The following VTI1A variants were observed in gnomAD, a reference collection of about 807,000 sequenced individuals.
The protein encoded by VTI1A is vesicle transport through interaction with t-SNAREs 1A.
VTI1A carries 22 observed loss-of-function variants against 34.9 expected under a neutral mutation model. That is an observed-to-expected ratio of 0.63 (90% CI 0.45 to 0.90). The LOEUF is 0.90. Among genes scored for constraint, VTI1A ranks in the 40% least tolerant of loss-of-function variants. The pLI, the probability that VTI1A is intolerant of heterozygous loss-of-function variation, is 0.00. For missense variants in VTI1A, 268 were observed against 275.6 expected (o/e 0.97, Z 0.20); for synonymous variants, 87 against 97.3 (o/e 0.89, Z 0.62).
intron 7 of VTI1A, among the ~76,000 whole-genome samples, chr10:112,681,528 C>A (rs1026477779): frequency 6.6e-6 from 1 of 152,102 alleles, no homozygotes; most frequent in Non-Finnish European, 1.5e-5. Context: ...ATATTTTTGA[C>A]ATGTGAAAAA....
intron 5 of VTI1A, among the ~76,000 whole-genome samples, chr10:112,571,333 C>T (rs1852109141): frequency 1.3e-5 from 2 of 152,126 alleles, no homozygotes; most frequent in Non-Finnish European, 2.9e-5. Flanking sequence ...AAACTCGTTC[C>T]TCTATAGGAG....
At chr10:112,714,551 G>C (rs1019452419) in intron 7 of VTI1A, among the ~76,000 whole-genome samples, 1 of 152,122 alleles carries the variant, frequency 6.6e-6, no homozygotes, top group Non-Finnish European at 1.5e-5. Context: ...TTCTGAGCTG[G>C]GTAGTTTTCC....
intron 5 of VTI1A, chr10:112,549,015 T>G: frequency 1.7e-6 from 1 of 603,112 alleles, no homozygotes; most frequent in South Asian, 2.0e-5. Flanking sequence ...AGAAATATTT[T>G]GAGTGTTCAC....
chr10:112,697,865 C>CGT (rs762339605), intron 7 of VTI1A, among the ~76,000 whole-genome samples: 8,626 of 126,136 alleles, frequency 0.068, 279 homozygotes, highest in Non-Finnish European at 0.071. Flanking sequence ...TTAGCATTTA[C>CGT]ATGTGTGTGT....
chr10:112,797,462 G>A (rs1479549028), intron 7 of VTI1A, among the ~76,000 whole-genome samples: 4 of 152,148 alleles, frequency 2.6e-5, no homozygotes, highest in African/African-American at 9.7e-5. Flanking sequence ...ACCATCCACT[G>A]CAGTTGGCTA....
intron 7 of VTI1A, among the ~76,000 whole-genome samples, chr10:112,717,930 T>TA (rs1290444143): frequency 1.3e-5 from 2 of 152,132 alleles, no homozygotes; most frequent in Admixed American, 6.5e-5. Flanking sequence ...TTAAGTTACC[T>TA]AAAAATTAAT....
At chr10:112,850,501 C>A in the VTI1A span, among the ~76,000 whole-genome samples, 1 of 152,106 alleles carries the variant, frequency 6.6e-6, no homozygotes, top group Non-Finnish European at 1.5e-5. Context: ...CCCCAAGACT[C>A]CCAAGACCAC....
intron 5 of VTI1A, among the ~76,000 whole-genome samples, chr10:112,582,785 G>C (rs144239748): frequency 2.3e-4 from 35 of 152,052 alleles, no homozygotes; most frequent in African/African-American, 8.2e-4. Flanking sequence ...CTTTTTTAAC[G>C]TATAAATATT....
chr10:112,830,341 C>T, the VTI1A span, among the ~76,000 whole-genome samples: 3 of 151,484 alleles, frequency 2.0e-5, no homozygotes, highest in Non-Finnish European at 4.4e-5. Context: ...ACTTCCCTCA[C>T]TCCTTTCTCC....
intron 3 of VTI1A, among the ~76,000 whole-genome samples, chr10:112,497,646 T>C (rs1434467343): frequency 6.6e-6 from 1 of 152,232 alleles, no homozygotes. Flanking sequence ...GAGTAAAATA[T>C]AATCTAAATT....
intron 3 of VTI1A, among the ~76,000 whole-genome samples, chr10:112,504,719 G>A (rs73365010): frequency 1.7e-3 from 258 of 152,140 alleles, no homozygotes; most frequent in African/African-American, 6.1e-3. Context: ...TGTCCTCTAT[G>A]GGGGATGTAT....
In VTI1A at chr10:112,480,268, G is replaced by A. The variant is rs928277223; in HGVS notation, c.264+15611G>A. ...GAGGAAGCTGAAGCTAAGAACTTTC[G>A]AGCTGATGGTGTTTTAGTCACTTCA... On this transcript the variant is annotated intron_variant, in intron 3 of 7. Transcript: ENST00000393077. 4.6e-5 allele frequency among the ~76,000 whole-genome samples: 7 copies of A among 152,240 alleles called. No homozygotes were observed. In the East Asian group the frequency reaches 9.6e-4, roughly 21 times the overall value.
chr10:112,605,866 A>T (rs1280402725), intron 5 of VTI1A, among the ~76,000 whole-genome samples: 1 of 152,164 alleles, frequency 6.6e-6, no homozygotes, highest in Non-Finnish European at 1.5e-5. Context: ...ATCTTAAGTT[A>T]TTGGACCATC....
At chr10:112,749,530 G>A (rs768683140) in intron 7 of VTI1A, among the ~76,000 whole-genome samples, 1 of 152,214 alleles carries the variant, frequency 6.6e-6, no homozygotes, top group Non-Finnish European at 1.5e-5. Context: ...GCTGGGATCT[G>A]TGGCCCTTGA....
chr10:112,676,739 A>G (rs1200226928), intron 7 of VTI1A, among the ~76,000 whole-genome samples: 4 of 152,302 alleles, frequency 2.6e-5, no homozygotes, highest in African/African-American at 7.2e-5. Context: ...ATATAAGTCA[A>G]AATCTTCCAG....
Position 112,701,120 on chromosome 10 carries a change from C to T in VTI1A, c.560+32122C>T, listed in dbSNP as rs183706591. Among the ~76,000 whole-genome samples, 174 of 152,318 alleles carry T rather than the reference C, an allele frequency of 1.1e-3. 1 individual carries two copies. The highest frequency in any genetic ancestry group is 3.8e-3 in the African/African-American group (158 of 41,568). On this transcript the variant is annotated intron_variant, in intron 7 of 7. Transcript: ENST00000393077. Reference sequence around the variant, plus strand: ...AGGGATACCCTTGAGTTTGGTGAGTCTGAATGGCATTTTTCATAATTGTAT... The same window carrying T: ...AGGGATACCCTTGAGTTTGGTGAGTTTGAATGGCATTTTTCATAATTGTAT...
intron 7 of VTI1A, among the ~76,000 whole-genome samples, chr10:112,789,984 A>AT (rs1262469209): frequency 1.5e-5 from 2 of 136,690 alleles, no homozygotes; most frequent in Admixed American, 7.4e-5. Flanking sequence ...TTATCATGTC[A>AT]TTTTTTTGTT....
chr10:112,666,626 C>T (rs1847651321), intron 5 of VTI1A, among the ~76,000 whole-genome samples: 2 of 152,074 alleles, frequency 1.3e-5, no homozygotes, highest in African/African-American at 2.4e-5. Context: ...TTATATGGTA[C>T]CCTATAGCTT....
the VTI1A span, among the ~76,000 whole-genome samples, chr10:112,838,601 A>G: frequency 6.6e-6 from 1 of 152,122 alleles, no homozygotes; most frequent in Non-Finnish European, 1.5e-5. Context: ...CAGGACGGGA[A>G]GGAACTCAGA....
Sources: gnomAD v4.1 joint callset for allele counts (sites outside exome capture counted in the v4.1 genomes callset) on GRCh38, gnomAD v4.1.1 for gene constraint, MANE v1.5 for transcripts, NCBI Gene and HGNC (gene_info 2026-07-23, HGNC 2026-07-21) for gene names.